The following SMC1B variants were observed in gnomAD, a reference collection of about 807,000 sequenced individuals.
SMC1B encodes the protein structural maintenance of chromosomes protein 1B.
SMC1B carries 60 observed loss-of-function variants against 157.9 expected under a neutral mutation model. The ratio of observed to expected loss-of-function variants is 0.38; its 90% confidence interval spans 0.31 to 0.47. The LOEUF is 0.47. Among genes scored for constraint, SMC1B ranks in the 20% least tolerant of loss-of-function variants. SMC1B has a pLI of 0.99. For missense variants in SMC1B, 1,165 were observed against 1,426.2 expected, an observed-to-expected ratio of 0.82 and a Z score of 2.95; for synonymous variants, 445 against 483.0, an observed-to-expected ratio of 0.92 and a Z score of 1.03.
At chr22:45,389,976 AAGT>A in intron 9 of SMC1B, 79 bp from the exon 10 acceptor site, 3 of 1,227,792 alleles carry the variant, frequency 2.4e-6, no homozygotes, top group Non-Finnish European at 3.4e-6. Context: ...TAATGTAACA[AAGT>A]AGCGCAGACA....
At chr22:45,365,221 A>G (rs769966962) in intron 15 of SMC1B, among the ~76,000 whole-genome samples, 5 of 152,138 alleles carry the variant, frequency 3.3e-5, no homozygotes, top group African/African-American at 4.8e-5. Flanking sequence ...ATATACGGAC[A>G]TTCCCAAAAT....
At chr22:45,397,673 G>T (rs1218463586) in intron 6 of SMC1B, among the ~76,000 whole-genome samples, 4 of 151,888 alleles carry the variant, frequency 2.6e-5, no homozygotes, top group Non-Finnish European at 4.4e-5. Flanking sequence ...TCACATTGTT[G>T]TACCCACTTT....
At chr22:45,353,286 GAAAGA>G (rs1414071909) in intron 21 of SMC1B, among the ~76,000 whole-genome samples, 934 of 52,076 alleles carry the variant, frequency 0.018, 4 homozygotes, top group African/African-American at 0.044. Context: ...AAGAAAGAAA[GAAAGA>G]AAAAAAAAAA....
At chr22:45,406,174 T>C (rs938808383) in intron 4 of SMC1B, among the ~76,000 whole-genome samples, 19 of 152,210 alleles carry the variant, frequency 1.2e-4, no homozygotes, top group South Asian at 2.1e-4. Flanking sequence ...AGGGGTTTAA[T>C]ATCCAAACAT....
chr22:45,402,054 T>A (rs1339898430), intron 5 of SMC1B, among the ~76,000 whole-genome samples: 1 of 152,120 alleles, frequency 6.6e-6, no homozygotes, highest in East Asian at 1.9e-4. Context: ...CAGCTAATTT[T>A]TTGTATTTTT....
chr22:45,386,330 T>C (rs571271939), intron 11 of SMC1B, among the ~76,000 whole-genome samples: 1 of 152,100 alleles, frequency 6.6e-6, no homozygotes, highest in Non-Finnish European at 1.5e-5. Context: ...TCTATTCCAC[T>C]GAGAGTAAAA....
chr22:45,364,824 C>CTT (rs202166311), intron 15 of SMC1B, among the ~76,000 whole-genome samples: 22 of 105,502 alleles, frequency 2.1e-4, no homozygotes, highest in Admixed American at 4.1e-4. Flanking sequence ...ATCTCTTTTC[C>CTT]TTTTTTTTTT....
intron 12 of SMC1B, among the ~76,000 whole-genome samples, chr22:45,375,894 G>C (rs1027599403): frequency 4.0e-5 from 6 of 151,840 alleles, no homozygotes; most frequent in African/African-American, 1.4e-4. Context: ...TTTATTTTTT[G>C]TACTATATAT....
Position 45,371,527 on chromosome 22 carries a change from C to T in SMC1B, c.2257G>A (p.Glu753Lys). ...NIESQCIMLS[E>K]GIKERQRRIK... ...CTTCGTTGTCGTTCCTTGATTCCTTCACTCAACATAATACATTGAGACTCA... is the reference window on the plus strand; with the variant it reads ...CTTCGTTGTCGTTCCTTGATTCCTTTACTCAACATAATACATTGAGACTCA... The change falls in exon 14 of 25, where the codon GAA becomes AAA. Residue 753 changes from glutamate (E) to lysine (K), a missense_variant. Transcript: ENST00000357450. 6.2e-7 allele frequency: 1 copy of T among 1,600,624 alleles called. No individual in the cohort carries two copies.
At chr22:45,368,143 T>A (rs1344725389) in intron 15 of SMC1B, among the ~76,000 whole-genome samples, 6 of 152,308 alleles carry the variant, frequency 3.9e-5, no homozygotes, top group Non-Finnish European at 7.4e-5. Flanking sequence ...CTGAGATGTA[T>A]TTTTTCATAT....
At chr22:45,363,854 ATT>A (rs113364308) in intron 15 of SMC1B, among the ~76,000 whole-genome samples, 1 of 145,030 alleles carries the variant, frequency 6.9e-6, no homozygotes. Flanking sequence ...TCAAATAACT[ATT>A]TTTTTTTTTT....
At chr22:45,366,049 A>T (rs1031423640) in intron 15 of SMC1B, among the ~76,000 whole-genome samples, 1 of 152,062 alleles carries the variant, frequency 6.6e-6, no homozygotes, top group Non-Finnish European at 1.5e-5. Context: ...TTTGAGACAG[A>T]GTCTCCCTCT....
At chr22:45,357,934 T>C (rs2086685189) in intron 19 of SMC1B, among the ~76,000 whole-genome samples, 1 of 152,096 alleles carries the variant, frequency 6.6e-6, no homozygotes, top group South Asian at 2.1e-4. Context: ...AACCAGGTGA[T>C]TGGAGGGCTG....
intron 6 of SMC1B, 133 bp from the exon 7 acceptor site, chr22:45,396,619 G>A (rs1022666129): frequency 1.3e-5 from 7 of 550,334 alleles, no homozygotes; most frequent in East Asian, 3.5e-5. Flanking sequence ...AATCATAATC[G>A]ACCACCTTCC....
intron 10 of SMC1B, among the ~76,000 whole-genome samples, chr22:45,388,860 T>C (rs890552000): frequency 6.6e-5 from 10 of 151,214 alleles, no homozygotes; most frequent in African/African-American, 2.4e-4. Flanking sequence ...TGCTGGCACA[T>C]ACCTGTAACC....
intron 21 of SMC1B, among the ~76,000 whole-genome samples, chr22:45,353,210 C>T (rs13057805): frequency 0.24 from 36,003 of 147,636 alleles, 5,747 homozygotes; most frequent in Non-Finnish European, 0.35. Context: ...TTCAGTGAGC[C>T]GAGATCGCAC....
At chr22:45,387,543 A>G (rs1416222904) in intron 10 of SMC1B, among the ~76,000 whole-genome samples, 1 of 152,236 alleles carries the variant, frequency 6.6e-6, no homozygotes, top group African/African-American at 2.4e-5. Flanking sequence ...GGTTTGGGTA[A>G]TATTTTTTAA....
At chr22:45,346,211 CAAG>C (rs2086550677) in intron 23 of SMC1B, among the ~76,000 whole-genome samples, 1 of 152,174 alleles carries the variant, frequency 6.6e-6, no homozygotes, top group African/African-American at 2.4e-5. Flanking sequence ...CATCTAACAA[CAAG>C]AAGAGCAAAA....
chr22:45,396,607 T>G, intron 6 of SMC1B, 121 bp from the exon 7 acceptor site: 1 of 705,472 alleles, frequency 1.4e-6, no homozygotes, highest in Non-Finnish European at 2.1e-6. Flanking sequence ...TTATATAAAT[T>G]AAATCATAAT....
Sources: allele counts gnomAD v4.1 joint callset (sites outside exome capture counted in the v4.1 genomes callset), GRCh38; gene constraint gnomAD v4.1.1; transcripts MANE v1.5; gene names NCBI Gene and HGNC (gene_info 2026-07-23, HGNC 2026-07-21).